ZNF8: variants seen among roughly 807,000 people sequenced by gnomAD.
ZNF8 encodes zinc finger protein 272.
A neutral mutation model predicts 12.2 loss-of-function variants in ZNF8; 9 were observed. The ratio of observed to expected loss-of-function variants is 0.73; its 90% CI spans 0.44 to 1.28. The LOEUF is 1.28. ZNF8 is among the 50% of genes most tolerant of loss of function. The probability of loss-of-function intolerance (pLI) is 0.00; values close to 1 mark genes in which losing one functional copy is unlikely to be tolerated. For missense variants in ZNF8, 664 were observed against 729.1 expected (o/e 0.91, Z 1.03); for synonymous variants, 274 against 282.3 (o/e 0.97, Z 0.30).
intron 3 of ZNF8, among the ~76,000 whole-genome samples, chr19:58,287,921 C>T (rs1339962773): frequency 1.6e-5 from 2 of 121,416 alleles, no homozygotes; most frequent in Non-Finnish European, 3.2e-5. Flanking sequence ...CTGCAGGCTG[C>T]TCAAACTAAC....
rs114480929 is a variant in ZNF8, at chr19:58,281,619, G to A, written c.66+2472G>A. ...GATGGGAGGTGGGGGCAGGAGGCAC[G>A]GGAAGCACAAATCAAAATTGGTGGG... On this transcript the variant is annotated intron_variant, in intron 1 of 3. Coordinates refer to ENST00000621650, the MANE Select transcript of ZNF8 (RefSeq NM_021089.3). 1.4e-3 allele frequency among the ~76,000 whole-genome samples: 220 copies of A among 152,176 alleles called. 1 individual carries two copies. Among genetic ancestry groups the A allele is most frequent in the African/African-American group, 4.5e-3 (185 of 41,522 alleles).
intron 3 of ZNF8, among the ~76,000 whole-genome samples, chr19:58,290,168 C>T (rs1163736766): frequency 2.3e-5 from 3 of 127,838 alleles, no homozygotes; most frequent in Non-Finnish European, 3.1e-5. Context: ...GACTGGACTG[C>T]AGTGGCGCAA....
intron 1 of ZNF8, among the ~76,000 whole-genome samples, chr19:58,282,375 A>G (rs1458094342): frequency 2.0e-5 from 3 of 152,188 alleles, no homozygotes; most frequent in Admixed American, 1.3e-4. Flanking sequence ...TACATATTCT[A>G]GATACAAGTC....
intron 1 of ZNF8, among the ~76,000 whole-genome samples, chr19:58,282,632 A>ATT (rs775877918): frequency 1.4e-5 from 2 of 147,900 alleles, no homozygotes; most frequent in Admixed American, 6.8e-5. Context: ...ATTTAATTTA[A>ATT]TTTTTTTTTT....
Position 58,294,060 on chromosome 19 carries a change from T to C in ZNF8, c.290-38T>C, listed in dbSNP as rs775941471. The C allele has an allele frequency of 6.4e-6, 10 of 1,551,326 alleles. No individual in the cohort carries two copies. Among genetic ancestry groups the C allele is most frequent in the Non-Finnish European group, 3.5e-6 (4 of 1,146,878 alleles). ...GAGGCCTGTCCCCCTTCCGTTTTTT[T>C]CTCCCAACAGCTCAGAGATCTTTGG... is the stretch of plus-strand genomic sequence containing the variant. On this transcript the variant is annotated intron_variant, in intron 3 of 3. Coordinates refer to ENST00000621650, the MANE Select transcript of ZNF8 (RefSeq NM_021089.3). This position sits in a 1 kb window ranked among gnomAD's most constrained non-coding sequence, Gnocchi z 5.5.
At chr19:58,293,246 C>G (rs2147960337) in intron 3 of ZNF8, among the ~76,000 whole-genome samples, 1 of 152,304 alleles carries the variant, frequency 6.6e-6, no homozygotes, top group East Asian at 1.9e-4. Flanking sequence ...GCCAGAGAGT[C>G]ATATTTGGGG....
intron 1 of ZNF8, among the ~76,000 whole-genome samples, chr19:58,283,660 C>T (rs1309307411): frequency 1.4e-5 from 2 of 141,004 alleles, no homozygotes; most frequent in South Asian, 2.2e-4. Flanking sequence ...AGTGCAGTGG[C>T]GCAATCTTGA....
At position 58,296,038 on chromosome 19, in the gene ZNF8, T is replaced by C. The variant is rs1389571389; in HGVS notation, c.*502T>C. 6.5e-6 allele frequency: 1 copy of C among 153,780 alleles called. No individual in the cohort carries two copies. The highest frequency in any genetic ancestry group is 1.9e-4 in the East Asian group (1 of 5,204). 9.5% of individuals were successfully genotyped at this position (153,780 alleles called of 1,614,324 possible). A position where few individuals can be genotyped will look rare whatever the true frequency, so the allele number is the denominator to read the frequency against. ...GGCCTTCCCATGTGGAACGTGACCT[T>C]CCAAAGTAGTGACTAACTCTTGGAA... On this transcript the variant is annotated 3_prime_UTR_variant, in exon 4 of 4. Coordinates refer to ENST00000621650, the MANE Select transcript of ZNF8 (RefSeq NM_021089.3).
chr19:58,282,131 AT>A (rs751202281), intron 1 of ZNF8, among the ~76,000 whole-genome samples: 4 of 145,300 alleles, frequency 2.8e-5, no homozygotes, highest in Non-Finnish European at 6.1e-5. Context: ...AAATAAAAAA[AT>A]TGAAGTATTT....
chr19:58,283,478 ACT>A (rs1231023937), intron 1 of ZNF8, among the ~76,000 whole-genome samples: 1 of 151,256 alleles, frequency 6.6e-6, no homozygotes, highest in East Asian at 1.9e-4. Flanking sequence ...GAGCTGGCAC[ACT>A]CTTGCCCTCT....
intron 1 of ZNF8, among the ~76,000 whole-genome samples, chr19:58,285,160 T>G (rs1400875028): frequency 6.6e-6 from 1 of 151,168 alleles, no homozygotes; most frequent in Non-Finnish European, 1.5e-5. Context: ...TTTTTTTGTT[T>G]TTTTTTTTTG....
In ZNF8 at chr19:58,297,090, G is replaced by A. The variant is rs2051460181; in HGVS notation, c.*1554G>A. The A allele has an allele frequency of 6.6e-6, 1 of 152,136 alleles. No individual in the cohort carries two copies. Among genetic ancestry groups the A allele is most frequent in the African/African-American group, 2.4e-5 (1 of 41,430 alleles). 9.4% of individuals were successfully genotyped at this position (152,136 alleles called of 1,614,324 possible). ...TACTAAAAATACACAAATTAGCCAAGTGTGGTGACATGCGCCTGTAATTCT... is the reference window on the plus strand; with the variant it reads ...TACTAAAAATACACAAATTAGCCAAATGTGGTGACATGCGCCTGTAATTCT... On this transcript the variant is annotated 3_prime_UTR_variant, in exon 4 of 4. Transcript: ENST00000621650.
intron 1 of ZNF8, among the ~76,000 whole-genome samples, chr19:58,284,972 T>C (rs1167750713): frequency 1.3e-5 from 2 of 152,174 alleles, no homozygotes. Context: ...TCCCTGCTGC[T>C]CCTTCAGACA....
rs553057041 is a variant in ZNF8, at chr19:58,285,156, T to C, written c.67-561T>C. Among the ~76,000 whole-genome samples the C allele has an allele frequency of 5.0e-4, 51 of 102,534 alleles. No individual in the cohort carries two copies. In the South Asian group the frequency reaches 5.5e-3, roughly 11 times the overall value. 67.3% of individuals were successfully genotyped at this position (102,534 alleles called of 152,430 possible). On this transcript the variant is annotated intron_variant, in intron 1 of 3. Coordinates refer to ENST00000621650, the MANE Select transcript of ZNF8 (RefSeq NM_021089.3). Reference sequence around the variant, plus strand: ...AGGAAGGATGGTGAACCTGTTTTTTTGTTTTTTTTTTTTGAGATGGAGTCT... The same window carrying C: ...AGGAAGGATGGTGAACCTGTTTTTTCGTTTTTTTTTTTTGAGATGGAGTCT...
chr19:58,294,543 G>A lies in ZNF8; in HGVS notation c.735G>A (p.Thr245=), dbSNP rs377349861. 221 of 1,614,006 alleles carry A rather than the reference G, an allele frequency of 1.4e-4. No individual in the cohort carries two copies. Among genetic ancestry groups the A allele is most frequent in the Middle Eastern group, 3.3e-4 (2 of 6,084 alleles). The change falls in exon 4 of 4, where the codon ACG becomes ACA. Residue 245 remains threonine, a synonymous_variant. Coordinates refer to ENST00000621650, the MANE Select transcript of ZNF8 (RefSeq NM_021089.3). The surrounding 1 kb of genome is among the most constrained non-coding windows in gnomAD (Gnocchi z 5.5). ...HRDSSQAIPI[T]ELTKSQVQDK... is the part of the protein sequence containing the mutation. ...ATTCCAGTCAGGCCATTCCAATTAC[G>A]GAACTCACAAAAAGCCAGGTGCAGG...
intron 1 of ZNF8, among the ~76,000 whole-genome samples, chr19:58,283,029 G>A (rs1457169065): frequency 6.6e-6 from 1 of 150,832 alleles, no homozygotes; most frequent in Non-Finnish European, 1.5e-5. Flanking sequence ...TTAGGCTGGA[G>A]TGCGGTGGCA....
In ZNF8 at chr19:58,299,049, C is replaced by T. The variant is rs1204644019; in HGVS notation, c.*3513C>T. Reference sequence around the variant, plus strand: ...CAGTTTCAAACTGGGCTCAAGCGATCCTCCCACCTTGGCCATCCAAAGTGC... The same window carrying T: ...CAGTTTCAAACTGGGCTCAAGCGATTCTCCCACCTTGGCCATCCAAAGTGC... On this transcript the variant is annotated 3_prime_UTR_variant, in exon 4 of 4. Coordinates refer to ENST00000621650, the MANE Select transcript of ZNF8 (RefSeq NM_021089.3). The T allele has an allele frequency of 6.6e-6, 1 of 152,092 alleles. No homozygotes were observed. The highest frequency in any genetic ancestry group is 1.9e-4 in the East Asian group (1 of 5,160). 9.4% of individuals were successfully genotyped at this position (152,092 alleles called of 1,614,324 possible).
At chr19:58,280,350 A>G (rs260499) in intron 1 of ZNF8, 38,972 of 157,736 alleles carry the variant, frequency 0.25, 5,097 homozygotes, top group East Asian at 0.5. Flanking sequence ...ACTGCTAGGG[A>G]TCCTTGCAAC....
intron 1 of ZNF8, among the ~76,000 whole-genome samples, chr19:58,283,720 C>T (rs1001057067): frequency 4.0e-5 from 6 of 151,736 alleles, no homozygotes; most frequent in African/African-American, 1.2e-4. Context: ...CTGCCTCAGC[C>T]TCCCATGTAG....
Sources: gnomAD v4.1 joint callset for allele counts (sites outside exome capture counted in the v4.1 genomes callset) on GRCh38, gnomAD v4.1.1 for gene constraint, Gnocchi (gnomAD v3.1) non-coding constraint, MANE v1.5 for transcripts, NCBI Gene and HGNC (gene_info 2026-07-23, HGNC 2026-07-21) for gene names.